The following RBFOX1 variants were observed in gnomAD, a reference collection of about 807,000 sequenced individuals.
RBFOX1 encodes RNA binding fox-1 homolog 1, also known as RNA binding protein fox-1 homolog 1.
A neutral mutation model predicts 57.7 loss-of-function variants in RBFOX1; 8 were observed. The observed-to-expected ratio is 0.14, with a 90% CI of 0.08 to 0.25. RBFOX1 has a LOEUF of 0.25. RBFOX1 is among the 10% of genes least tolerant of loss of function. RBFOX1 has a pLI of 1.00. For synonymous variants in RBFOX1, 326 were observed against 222.4 expected (o/e 1.47, Z -4.15); for missense variants, 611 against 548.5 (o/e 1.11, Z -1.14).
At chr16:7,394,028 G>C (rs572570203) in intron 4 of RBFOX1, among the ~76,000 whole-genome samples, 1 of 152,104 alleles carries the variant, frequency 6.6e-6, no homozygotes, top group East Asian at 1.9e-4. Context: ...CTGAGGTCAG[G>C]AGTTGGAGAC....
At chr16:6,619,977 G>A (rs1359567112) in intron 2 of RBFOX1, among the ~76,000 whole-genome samples, 2 of 152,064 alleles carry the variant, frequency 1.3e-5, no homozygotes, top group African/African-American at 4.8e-5. Flanking sequence ...TTCTGTTCCT[G>A]CGTTAGTTTG....
At chr16:7,174,097 T>C (rs191197795) in intron 4 of RBFOX1, among the ~76,000 whole-genome samples, 139 of 152,338 alleles carry the variant, frequency 9.1e-4, no homozygotes, top group African/African-American at 3.3e-3. Flanking sequence ...GATTTGCCTT[T>C]CCTGGACAGG....
At chr16:5,561,480 G>T (rs2045888382) in intron 2 of RBFOX1, among the ~76,000 whole-genome samples, 1 of 152,084 alleles carries the variant, frequency 6.6e-6, no homozygotes, top group African/African-American at 2.4e-5. Flanking sequence ...ACTTCTGGAA[G>T]CAGGTCTGTT....
chr16:7,460,239 A>G (rs897537623), intron 4 of RBFOX1, among the ~76,000 whole-genome samples: 6 of 151,676 alleles, frequency 4.0e-5, no homozygotes, highest in East Asian at 3.9e-4. Context: ...AACACCCAGA[A>G]GAAGAACAAA....
At chr16:7,067,175 A>G (rs1168629105) in intron 4 of RBFOX1, among the ~76,000 whole-genome samples, 2 of 152,192 alleles carry the variant, frequency 1.3e-5, no homozygotes, top group Admixed American at 6.5e-5. Context: ...TGATCCTTTC[A>G]CCAAACCCAG....
At chr16:7,028,263 A>C (rs982911139) in intron 3 of RBFOX1, among the ~76,000 whole-genome samples, 1 of 152,064 alleles carries the variant, frequency 6.6e-6, no homozygotes, top group Non-Finnish European at 1.5e-5. Flanking sequence ...CGTGTAAGCC[A>C]TTTTCTAATC....
intron 2 of RBFOX1, among the ~76,000 whole-genome samples, chr16:6,412,145 CAAA>C (rs1382315085): frequency 1.4e-5 from 2 of 139,796 alleles, no homozygotes; most frequent in Admixed American, 7.0e-5. Flanking sequence ...AAAAAAAAAA[CAAA>C]AAAACAAAAA....
intron 1 of RBFOX1, among the ~76,000 whole-genome samples, chr16:5,332,033 A>T (rs1443901547): frequency 6.6e-6 from 1 of 152,220 alleles, no homozygotes; most frequent in Non-Finnish European, 1.5e-5. Flanking sequence ...AAGTAGACTC[A>T]CGTCAGGGCC....
chr16:7,084,003 C>G (rs8182181), intron 4 of RBFOX1, among the ~76,000 whole-genome samples: 18 of 152,082 alleles, frequency 1.2e-4, no homozygotes, highest in Admixed American at 4.6e-4. Context: ...ACCCTGTGAC[C>G]TGTTAAAGGC....
intron 4 of RBFOX1, among the ~76,000 whole-genome samples, chr16:5,991,645 G>GTTTTTTTTTTTTT (rs60004233): frequency 4.0e-5 from 5 of 123,934 alleles, no homozygotes; most frequent in Non-Finnish European, 5.3e-5. Context: ...TTATTAGATA[G>GTTTTTTTTTTTTT]TTTTTTTTTT....
At chr16:7,380,697 A>G (rs1014830585) in intron 4 of RBFOX1, among the ~76,000 whole-genome samples, 4 of 152,252 alleles carry the variant, frequency 2.6e-5, no homozygotes, top group Non-Finnish European at 5.9e-5. Flanking sequence ...CAGTCGTTTC[A>G]TACAACTGTT....
At chr16:7,550,818 G>A (rs1021999795) in intron 5 of RBFOX1, among the ~76,000 whole-genome samples, 3 of 152,020 alleles carry the variant, frequency 2.0e-5, no homozygotes, top group Non-Finnish European at 2.9e-5. Flanking sequence ...TGGGGGTCAG[G>A]TGCAGTGACT....
chr16:6,944,838 C>G (rs1232156285), intron 3 of RBFOX1, among the ~76,000 whole-genome samples: 2 of 152,134 alleles, frequency 1.3e-5, no homozygotes, highest in East Asian at 1.9e-4. Context: ...TATGATTTGT[C>G]AGAATCCAAT....
At chr16:6,216,177 G>A (rs2097334691) in intron 1 of RBFOX1, among the ~76,000 whole-genome samples, 1 of 151,976 alleles carries the variant, frequency 6.6e-6, no homozygotes, top group African/African-American at 2.4e-5. Context: ...ATAACTAATG[G>A]GTACTGGGCT....
chr16:6,892,340 G>A (rs1310414202), intron 3 of RBFOX1, among the ~76,000 whole-genome samples: 1 of 152,118 alleles, frequency 6.6e-6, no homozygotes, highest in Non-Finnish European at 1.5e-5. Context: ...TGAAAAGGGG[G>A]TTATTTTAAG....
At chr16:6,556,617 T>A (rs2097101751) in intron 2 of RBFOX1, among the ~76,000 whole-genome samples, 1 of 152,172 alleles carries the variant, frequency 6.6e-6, no homozygotes. Flanking sequence ...ATATATAGCC[T>A]GAGATAAGAT....
chr16:5,254,816 G>A (rs1322655298), intron 1 of RBFOX1, among the ~76,000 whole-genome samples: 2 of 152,190 alleles, frequency 1.3e-5, no homozygotes, highest in Admixed American at 1.3e-4. Context: ...AAGGCTGGAA[G>A]AAGGGCTGAC....
At chr16:6,935,955 C>G (rs564331529) in intron 3 of RBFOX1, among the ~76,000 whole-genome samples, 1 of 152,186 alleles carries the variant, frequency 6.6e-6, no homozygotes, top group African/African-American at 2.4e-5. Flanking sequence ...GTGAATATGT[C>G]TGCTTTGCTT....
At chr16:6,584,472 A>T (rs1467354317) in intron 2 of RBFOX1, among the ~76,000 whole-genome samples, 1 of 151,538 alleles carries the variant, frequency 6.6e-6, no homozygotes, top group Non-Finnish European at 1.5e-5. Flanking sequence ...GGTTCCAGCA[A>T]TTCTCTTGCC....
Sources: gnomAD v4.1 joint callset for allele counts (sites outside exome capture counted in the v4.1 genomes callset) on GRCh38, gnomAD v4.1.1 for gene constraint, MANE v1.5 for transcripts, NCBI Gene and HGNC (gene_info 2026-07-23, HGNC 2026-07-21) for gene names.